SLC26A2: variants seen among roughly 807,000 people sequenced by gnomAD.
The protein encoded by SLC26A2 is solute carrier family 26 member 2, also known as sulfate transporter.
In SLC26A2, 36 loss-of-function variants were observed where a neutral mutation model predicts 41.1. The ratio of observed to expected loss-of-function variants is 0.88; its 90% CI spans 0.67 to 1.16. The LOEUF is 1.16. SLC26A2 is among the 50% of genes most tolerant of loss of function. The pLI is 0.00. For missense variants in SLC26A2, 796 were observed against 869.6 expected (o/e 0.92, Z 1.07); for synonymous variants, 291 against 311.6 (o/e 0.93, Z 0.70).
chr5:149,978,680 C>A (rs1290318934), intron 2 of SLC26A2, among the ~76,000 whole-genome samples: 2 of 151,014 alleles, frequency 1.3e-5, no homozygotes, highest in Admixed American at 6.6e-5. Flanking sequence ...GTTGAGAGTG[C>A]AGGAGTTTCT....
chr5:149,979,393 AAAT>A (rs1755053418), intron 2 of SLC26A2, among the ~76,000 whole-genome samples: 1 of 152,160 alleles, frequency 6.6e-6, no homozygotes, highest in East Asian at 1.9e-4. Flanking sequence ...ATATAATGGT[AAAT>A]AATAAGTCTA....
chr5:149,972,702 A>T (rs1340640682), intron 1 of SLC26A2, among the ~76,000 whole-genome samples: 1 of 152,210 alleles, frequency 6.6e-6, no homozygotes, highest in East Asian at 1.9e-4. Flanking sequence ...TCAAGTAGAC[A>T]GCATATACTT....
intron 1 of SLC26A2, among the ~76,000 whole-genome samples, chr5:149,965,564 T>A (rs1754792652): frequency 6.6e-6 from 1 of 151,590 alleles, no homozygotes; most frequent in Non-Finnish European, 1.5e-5. Flanking sequence ...TTATTTTTAT[T>A]AAAAATATAT....
In SLC26A2 at chr5:149,980,280, T is replaced by C; in HGVS notation, c.700-13T>C. The C allele has an allele frequency of 6.2e-7, 1 of 1,607,294 alleles. No individual in the cohort carries two copies. The highest frequency in any genetic ancestry group is 1.1e-5 in the South Asian group (1 of 90,940). On this transcript the variant is annotated splice_polypyrimidine_tract_variant and intron_variant, in intron 2 of 2. Coordinates refer to ENST00000286298, the MANE Select transcript of SLC26A2 (RefSeq NM_000112.4). ...TCCATTTATATTTAACACTTCTATA[T>C]CCTTCCTTCCAGGTAGCGATGGGCT... is the stretch of plus-strand genomic sequence containing the variant.
chr5:149,977,631 G>T lies in SLC26A2; in HGVS notation c.-22G>T. On this transcript the variant is annotated 5_prime_UTR_variant, in exon 2 of 3. Coordinates refer to ENST00000286298, the MANE Select transcript of SLC26A2 (RefSeq NM_000112.4). ...ACTGGTATTTTCTCTGGTGTAGGAA[G>T]CTGAACCATCTATCTCCAGAAATGT... is the stretch of plus-strand genomic sequence containing the variant. 6.6e-7 allele frequency: 1 copy of T among 1,520,580 alleles called. No individual in the cohort carries two copies. Among genetic ancestry groups the T allele is most frequent in the Non-Finnish European group, 9.1e-7 (1 of 1,095,238 alleles). The allele number at this position is 1,520,580 out of a possible 1,614,324, so 94.2% of individuals were successfully genotyped here.
intron 2 of SLC26A2, 110 bp downstream of exon 2, chr5:149,978,461 G>A (rs1755036506): frequency 1.0e-6 from 1 of 985,976 alleles, no homozygotes; most frequent in Non-Finnish European, 1.6e-6. Flanking sequence ...ATCATTTATT[G>A]AGAGTTCAGG....
rs1486354741 is a variant in SLC26A2, at chr5:149,984,271, G to T, written c.*2458G>T. ...TTTACATTTCATCCTCTCTACTTGG[G>T]TTGAGGTTGCCTATACTTGCATATT... On this transcript the variant is annotated 3_prime_UTR_variant, in exon 3 of 3. Transcript: ENST00000286298. 1 of 152,188 alleles carries T rather than the reference G, an allele frequency of 6.6e-6. No individual in the cohort carries two copies. The highest frequency in any genetic ancestry group is 1.5e-5 in the Non-Finnish European group (1 of 68,040). 9.4% of individuals were successfully genotyped at this position (152,188 alleles called of 1,614,324 possible). A position where few individuals can be genotyped will look rare whatever the true frequency, so the allele number is the denominator to read the frequency against.
intron 1 of SLC26A2, among the ~76,000 whole-genome samples, chr5:149,966,404 C>T (rs1754806318): frequency 1.3e-5 from 2 of 152,176 alleles, no homozygotes; most frequent in Admixed American, 6.5e-5. Flanking sequence ...TACTGACCCT[C>T]ACTGCCTATG....
At position 149,981,995 on chromosome 5, in the gene SLC26A2, CAG is replaced by C; in HGVS notation, c.*185_*186del. On this transcript the variant is annotated 3_prime_UTR_variant, in exon 3 of 3. Coordinates refer to ENST00000286298, the MANE Select transcript of SLC26A2 (RefSeq NM_000112.4). Reference sequence around the variant, plus strand: ...CACTGCAGCAGAGCTTGTAGCTGGACAGAGTCAAAAAGAAGAAAATACGGTTT... The same window carrying C: ...CACTGCAGCAGAGCTTGTAGCTGGACAGTCAAAAAGAAGAAAATACGGTTT... 1.7e-6 allele frequency: 1 copy of C among 590,620 alleles called. No homozygotes were observed. The highest frequency in any genetic ancestry group is 3.2e-5 in the Admixed American group (1 of 31,636). The allele number at this position is 590,620 out of a possible 1,614,324, so 36.6% of individuals were successfully genotyped here. A position where few individuals can be genotyped will look rare whatever the true frequency, so the allele number is the denominator to read the frequency against.
rs1333160165 is a variant in SLC26A2, at chr5:149,973,676, C to G, written c.-25-3952C>G. Among the ~76,000 whole-genome samples the G allele has an allele frequency of 3.3e-5, 5 of 152,050 alleles. No homozygotes were observed. In the South Asian group the frequency reaches 8.3e-4, roughly 25 times the overall value. On this transcript the variant is annotated intron_variant, in intron 1 of 2. Coordinates refer to ENST00000286298, the MANE Select transcript of SLC26A2 (RefSeq NM_000112.4). ...TTAAGACAGAGTCTCTCCCTGTCACCCAGGCTAAAGTGCAGTGGTGTGATC... is the reference window on the plus strand; with the variant it reads ...TTAAGACAGAGTCTCTCCCTGTCACGCAGGCTAAAGTGCAGTGGTGTGATC...
chr5:149,981,063 T>C lies in SLC26A2; in HGVS notation c.1470T>C (p.Asn490=). ...TCCTTGGTGTGATCACAATTGTAAA[T>C]CTACGGGGAGCCCTTCGTAAATTTA... ...KSVLGVITIV[N]LRGALRKFRD... The change falls in exon 3 of 3, where the codon AAT becomes AAC. Residue 490 remains asparagine (N), a synonymous_variant. Transcript: ENST00000286298. 1 of 1,614,206 alleles carries C rather than the reference T, an allele frequency of 6.2e-7. No homozygotes were observed.
chr5:149,963,302 C>CT (rs1561810096), intron 1 of SLC26A2, among the ~76,000 whole-genome samples: 2 of 145,730 alleles, frequency 1.4e-5, no homozygotes, highest in African/African-American at 5.1e-5. Context: ...TTTTTTGAGA[C>CT]AGAGTCTCAC....
chr5:149,969,007 G>A (rs1352429352), intron 1 of SLC26A2, among the ~76,000 whole-genome samples: 1 of 152,076 alleles, frequency 6.6e-6, no homozygotes, highest in African/African-American at 2.4e-5. Context: ...CTCCCAAAGT[G>A]CTGGGATTAC....
chr5:149,965,745 G>C (rs931456436), intron 1 of SLC26A2, among the ~76,000 whole-genome samples: 1 of 151,842 alleles, frequency 6.6e-6, no homozygotes, highest in South Asian at 2.1e-4. Context: ...TTTTTAGGTC[G>C]ACTCTAGTTT....
chr5:149,963,802 G>A (rs1458751591), intron 1 of SLC26A2, among the ~76,000 whole-genome samples: 2 of 124,038 alleles, frequency 1.6e-5, no homozygotes, highest in Admixed American at 1.1e-4. Flanking sequence ...GGCTGGTCTC[G>A]AACTCCTGGC....
intron 1 of SLC26A2, among the ~76,000 whole-genome samples, chr5:149,969,201 G>C (rs937796187): frequency 6.6e-6 from 1 of 152,198 alleles, no homozygotes; most frequent in African/African-American, 2.4e-5. Context: ...TCTATGCTAG[G>C]TATTATGATA....
At chr5:149,975,242 A>G (rs245080) in intron 1 of SLC26A2, among the ~76,000 whole-genome samples, 33,128 of 151,988 alleles carry the variant, frequency 0.22, 4,383 homozygotes, top group South Asian at 0.39. Context: ...TTTGGCTTTC[A>G]GGTCTAGTAA....
At position 149,977,983 on chromosome 5, in the gene SLC26A2, G is replaced by A; in HGVS notation, c.331G>A (p.Asp111Asn). Reference sequence around the variant, plus strand: ...CGACCTAAAGAAAAACATTTTAGGGGATGTGATGTCAGGCTTGATTGTGGG... The same window carrying A: ...CGACCTAAAGAAAAACATTTTAGGGAATGTGATGTCAGGCTTGATTGTGGG... ...KYDLKKNILGDVMSGLIVGIL... is the reference protein window; with the variant it reads ...KYDLKKNILGNVMSGLIVGIL... The change falls in exon 2 of 3, where the codon GAT (aspartate) becomes AAT (asparagine). Residue 111 changes from aspartate (D) to asparagine (N), a missense_variant. Transcript: ENST00000286298. 1 of 1,614,200 alleles carries A rather than the reference G, an allele frequency of 6.2e-7. No individual in the cohort carries two copies. The highest frequency in any genetic ancestry group is 8.5e-7 in the Non-Finnish European group (1 of 1,180,016).
chr5:149,963,416 C>T (rs113528744), intron 1 of SLC26A2, among the ~76,000 whole-genome samples: 6,422 of 151,884 alleles, frequency 0.042, 431 homozygotes, highest in African/African-American at 0.15. Flanking sequence ...GTAGCTGGGA[C>T]CACAGGCATG....
Sources: gnomAD v4.1 joint callset for allele counts (sites outside exome capture counted in the v4.1 genomes callset) on GRCh38, gnomAD v4.1.1 for gene constraint, MANE v1.5 for transcripts, NCBI Gene and HGNC (gene_info 2026-07-23, HGNC 2026-07-21) for gene names.